The following RYR2 variants were observed in gnomAD, a reference collection of about 807,000 sequenced individuals.
RYR2 encodes the protein cardiac muscle ryanodine receptor-calcium release channel.
In RYR2, 227 loss-of-function variants were observed where a neutral mutation model predicts 601.1. The observed-to-expected ratio is 0.38, with a 90% CI of 0.34 to 0.42. The LOEUF (loss-of-function observed/expected upper bound fraction) is 0.42, where lower values mean the gene tolerates loss of function less well. RYR2 is among the 10% of genes least tolerant of loss of function. The pLI, the probability that RYR2 is intolerant of heterozygous loss-of-function variation, is 1.00. For missense variants in RYR2, 4,646 were observed against 6,156.5 expected, an observed-to-expected ratio of 0.75 and a Z score of 8.21; for synonymous variants, 2,223 against 2,175.1, an observed-to-expected ratio of 1.02 and a Z score of -0.61.
At chr1:237,186,365 G>A (rs1679337854) in intron 1 of RYR2, among the ~76,000 whole-genome samples, 1 of 152,056 alleles carries the variant, frequency 6.6e-6, no homozygotes, top group Non-Finnish European at 1.5e-5. Flanking sequence ...ATCGTACTAA[G>A]GTCCTGCAAG....
chr1:237,117,323 G>A (rs151068314), intron 1 of RYR2, among the ~76,000 whole-genome samples: 1,620 of 152,170 alleles, frequency 0.011, 32 homozygotes, highest in African/African-American at 0.037. Flanking sequence ...TCTCCATTAC[G>A]CTAAGGGATT....
intron 40 of RYR2, among the ~76,000 whole-genome samples, chr1:237,626,956 G>A (rs1679740190): frequency 6.6e-6 from 1 of 152,038 alleles, no homozygotes; most frequent in African/African-American, 2.4e-5. Context: ...GTGGTTTTCA[G>A]ATATAGGGGA....
intron 26 of RYR2, 48 bp from the exon 27 acceptor site, chr1:237,550,496 A>C (rs1393992689): frequency 6.3e-7 from 1 of 1,581,894 alleles, no homozygotes; most frequent in African/African-American, 1.4e-5. Context: ...CTTATTTCTA[A>C]AAGCCCTTGG....
At chr1:237,795,435 C>A in intron 96 of RYR2, 104 bp downstream of exon 96, 1 of 583,300 alleles carries the variant, frequency 1.7e-6, no homozygotes, top group Non-Finnish European at 3.0e-6. Flanking sequence ...AATTTATCTG[C>A]CTATTAATGT....
At chr1:237,757,924 G>A in intron 82 of RYR2, 148 bp downstream of exon 82, 1 of 504,220 alleles carries the variant, frequency 2.0e-6, no homozygotes, top group Non-Finnish European at 3.5e-6. Flanking sequence ...GCAAAAGAGG[G>A]AAAAAGTAAT....
chr1:237,144,241 C>G (rs1673722308), intron 1 of RYR2, among the ~76,000 whole-genome samples: 1 of 152,094 alleles, frequency 6.6e-6, no homozygotes, highest in South Asian at 2.1e-4. Context: ...AGACAGAACC[C>G]ATTATATACA....
chr1:237,810,727 G>C (rs1478744778), intron 100 of RYR2, among the ~76,000 whole-genome samples: 1 of 152,082 alleles, frequency 6.6e-6, no homozygotes. Flanking sequence ...GATTAAGTCA[G>C]TTACGATAAA....
chr1:237,624,337 T>A (rs1200641214), intron 39 of RYR2, among the ~76,000 whole-genome samples: 1 of 152,176 alleles, frequency 6.6e-6, no homozygotes, highest in Non-Finnish European at 1.5e-5. Flanking sequence ...TGTTAAGTAT[T>A]CTTAAAACAA....
chr1:237,345,044 C>T (rs985681058), intron 3 of RYR2, among the ~76,000 whole-genome samples: 3 of 152,042 alleles, frequency 2.0e-5, no homozygotes, highest in East Asian at 1.9e-4. Flanking sequence ...CTCCCGACCT[C>T]GTGATCCGCC....
chr1:237,387,228 T>G, intron 8 of RYR2, 53 bp from the exon 9 acceptor site: 1 of 1,506,644 alleles, frequency 6.6e-7, no homozygotes, highest in Non-Finnish European at 9.2e-7. Flanking sequence ...AGCACTTACA[T>G]GTTACAGCTT....
intron 1 of RYR2, among the ~76,000 whole-genome samples, chr1:237,256,614 A>T (rs1345552988): frequency 6.6e-6 from 1 of 152,194 alleles, no homozygotes; most frequent in East Asian, 1.9e-4. Flanking sequence ...GAAAGCGGTA[A>T]TTGAAGAGGA....
At chr1:237,341,417 C>A (rs890635808) in intron 3 of RYR2, among the ~76,000 whole-genome samples, 2 of 152,066 alleles carry the variant, frequency 1.3e-5, no homozygotes, top group East Asian at 3.9e-4. Context: ...AATATCCTCC[C>A]CAAAAAACAA....
At chr1:237,292,317 T>C (rs375924255) in intron 2 of RYR2, among the ~76,000 whole-genome samples, 323 of 152,324 alleles carry the variant, frequency 2.1e-3, no homozygotes, top group African/African-American at 7.4e-3. Context: ...TAATACCATT[T>C]ATATCATGTT....
chr1:237,270,531 T>C lies in RYR2; in HGVS notation c.83T>C (p.Ile28Thr). Residue 28 changes from isoleucine (I) to threonine (T), a missense_variant, in exon 2 of 105, where the codon ATC (isoleucine) becomes ACC (threonine). Coordinates refer to ENST00000366574, the MANE Select transcript of RYR2 (RefSeq NM_001035.3). Reference protein sequence around the residue: ...DEVVLQCTATIHKEQQKLCLA... With the variant: ...DEVVLQCTATTHKEQQKLCLA... ...GTGGTTCTGCAGTGCACCGCAACCA[T>C]CCACAAAGAACAACAGAAGCTATGC... 6.3e-7 allele frequency: 1 copy of C among 1,595,548 alleles called. No homozygotes were observed. Among genetic ancestry groups the C allele is most frequent in the Non-Finnish European group, 8.5e-7 (1 of 1,170,512 alleles).
At chr1:237,668,204 C>G (rs1206579272) in intron 58 of RYR2, among the ~76,000 whole-genome samples, 1 of 152,144 alleles carries the variant, frequency 6.6e-6, no homozygotes, top group Non-Finnish European at 1.5e-5. Flanking sequence ...CTGTACTTCT[C>G]ATCCTGATAT....
Position 237,492,824 on chromosome 1 carries a change from A to AAGGAAGGAACG in RYR2, c.1828-129_1828-128insGGAAGGAACGA. 3.9e-6 allele frequency: 3 copies of AAGGAAGGAACG among 772,362 alleles called. No homozygotes were observed. In the South Asian group the frequency reaches 5.5e-5, roughly 14 times the overall value. The allele number at this position is 772,362 out of a possible 1,614,324, so 47.8% of individuals were successfully genotyped here. On this transcript the variant is annotated intron_variant, in intron 18 of 104. Coordinates refer to ENST00000366574, the MANE Select transcript of RYR2 (RefSeq NM_001035.3). ...GGGTGACAGAGTGAGATGCTGTCTG[A>AAGGAAGGAACG]AAGGAAGGAAGGAAGGAAGGAAGGA...
At chr1:237,536,842 C>T (rs1465103080) in intron 25 of RYR2, among the ~76,000 whole-genome samples, 3 of 147,556 alleles carry the variant, frequency 2.0e-5, no homozygotes, top group Non-Finnish European at 4.5e-5. Flanking sequence ...GCCGAGATCG[C>T]GCCACTGCAC....
At chr1:237,604,129 T>G (rs892743505) in intron 35 of RYR2, among the ~76,000 whole-genome samples, 1 of 151,878 alleles carries the variant, frequency 6.6e-6, no homozygotes. Flanking sequence ...ATTCTTCTCA[T>G]CACCACATCG....
Position 237,638,415 on chromosome 1 carries a change from G to T in RYR2, c.6851G>T (p.Gly2284Val). 1 of 1,613,972 alleles carries T rather than the reference G, an allele frequency of 6.2e-7. No homozygotes were observed. The highest frequency in any genetic ancestry group is 8.5e-7 in the Non-Finnish European group (1 of 1,179,864). Residue 2284 changes from glycine (G) to valine (V), a missense_variant, in exon 45 of 105, where the codon GGC becomes GTC. Gly to Val is a moderately radical substitution (Grantham distance 109, BLOSUM62 -3). Transcript: ENST00000366574. ...AGTTGCCAGATGCTGGTGTCTAAGG[G>T]CTATCCAGACATTGGGTGGAACCCA... Reference protein sequence around the residue: ...LQSCQMLVSKGYPDIGWNPVE... With the variant: ...LQSCQMLVSKVYPDIGWNPVE...
Sources: allele counts gnomAD v4.1 joint callset (sites outside exome capture counted in the v4.1 genomes callset), GRCh38; gene constraint gnomAD v4.1.1; transcripts MANE v1.5; gene names NCBI Gene and HGNC (gene_info 2026-07-23, HGNC 2026-07-21).